Variants in OXCT1 observed in about 807,000 individuals in gnomAD.
OXCT1 encodes the protein 3-oxoacid CoA-transferase 1.
Under a neutral mutation model 69.6 loss-of-function variants are expected in OXCT1, and 27 were observed. The ratio of observed to expected loss-of-function variants is 0.39; its 90% CI spans 0.29 to 0.54. The LOEUF (loss-of-function observed/expected upper bound fraction) is 0.54. Ranked by LOEUF, OXCT1 falls within the 20% of genes least tolerant of loss-of-function variation. OXCT1 has a pLI of 0.72. For missense variants in OXCT1, 437 were observed against 650.2 expected (o/e 0.67, Z 3.57); for synonymous variants, 202 against 217.8 (o/e 0.93, Z 0.64).
intron 13 of OXCT1, among the ~76,000 whole-genome samples, chr5:41,789,693 T>G (rs529093035): frequency 6.6e-6 from 1 of 152,360 alleles, no homozygotes; most frequent in South Asian, 2.1e-4. Flanking sequence ...CATATGGATT[T>G]TCCACCTGTT....
intron 13 of OXCT1, among the ~76,000 whole-genome samples, chr5:41,784,319 G>T (rs140219430): frequency 1.3e-5 from 2 of 152,130 alleles, no homozygotes; most frequent in East Asian, 1.9e-4. Context: ...GGGCAGTGGA[G>T]ACTTTAGAAT....
chr5:41,860,061 T>A (rs1473779233), intron 3 of OXCT1, among the ~76,000 whole-genome samples: 1 of 151,758 alleles, frequency 6.6e-6, no homozygotes, highest in Non-Finnish European at 1.5e-5. Context: ...AAACTGAAAG[T>A]GCTGATAATC....
chr5:41,822,993 T>C (rs1427657131), intron 7 of OXCT1, among the ~76,000 whole-genome samples: 2 of 152,216 alleles, frequency 1.3e-5, no homozygotes, highest in Non-Finnish European at 2.9e-5. Flanking sequence ...CCTTGTTCTT[T>C]ATTCTTTTTG....
chr5:41,795,535 A>T (rs1034934765), intron 11 of OXCT1, among the ~76,000 whole-genome samples: 3 of 152,220 alleles, frequency 2.0e-5, no homozygotes, highest in African/African-American at 7.2e-5. Flanking sequence ...TGGAATCAAC[A>T]TGAACATAAG....
intron 9 of OXCT1, among the ~76,000 whole-genome samples, chr5:41,805,137 A>G (rs2112271296): frequency 6.6e-6 from 1 of 152,196 alleles, no homozygotes; most frequent in Non-Finnish European, 1.5e-5. Context: ...ATCTTTGTCA[A>G]GAGAATAAAA....
chr5:41,743,462 G>C (rs1157089412), intron 15 of OXCT1, among the ~76,000 whole-genome samples: 1 of 152,112 alleles, frequency 6.6e-6, no homozygotes, highest in African/African-American at 2.4e-5. Context: ...TTCTTTTGCT[G>C]TGCAGAAACT....
intron 13 of OXCT1, among the ~76,000 whole-genome samples, chr5:41,774,069 ACT>A (rs1278728717): frequency 2.0e-5 from 3 of 152,120 alleles, no homozygotes; most frequent in Non-Finnish European, 4.4e-5. Flanking sequence ...TTCATCTGGA[ACT>A]CAAGTGTGGC....
intron 13 of OXCT1, among the ~76,000 whole-genome samples, chr5:41,792,963 A>G (rs750374999): frequency 1.8e-4 from 28 of 152,238 alleles, no homozygotes; most frequent in Non-Finnish European, 3.8e-4. Context: ...ACTCTGAGGT[A>G]TTCTAATACA....
chr5:41,851,700 C>T (rs569182807), intron 4 of OXCT1, among the ~76,000 whole-genome samples: 2 of 151,286 alleles, frequency 1.3e-5, no homozygotes, highest in Admixed American at 6.6e-5. Flanking sequence ...CCTCTCTTAG[C>T]CTGAGGAAAA....
chr5:41,749,931 C>T (rs1743683289), intron 14 of OXCT1, among the ~76,000 whole-genome samples: 2 of 151,980 alleles, frequency 1.3e-5, no homozygotes, highest in South Asian at 4.2e-4. Context: ...TTTTCCCTTC[C>T]AAGGAATGGT....
chr5:41,863,529 C>A (rs549179904), intron 1 of OXCT1, among the ~76,000 whole-genome samples: 10 of 152,230 alleles, frequency 6.6e-5, no homozygotes, highest in Non-Finnish European at 8.8e-5. Context: ...AAAAGCCTGG[C>A]GCTTTAAGTG....
chr5:41,823,572 GT>G (rs1321861688), intron 7 of OXCT1, among the ~76,000 whole-genome samples: 2 of 152,168 alleles, frequency 1.3e-5, no homozygotes, highest in African/African-American at 4.8e-5. Flanking sequence ...GGTGGCAGTG[GT>G]TTGCCCTGTG....
intron 7 of OXCT1, among the ~76,000 whole-genome samples, chr5:41,820,126 A>G (rs1747474941): frequency 6.6e-6 from 1 of 152,214 alleles, no homozygotes; most frequent in Non-Finnish European, 1.5e-5. Context: ...CATTCCCATT[A>G]AAATAAGACA....
chr5:41,818,381 T>C (rs1213058736), intron 7 of OXCT1, among the ~76,000 whole-genome samples: 1 of 152,154 alleles, frequency 6.6e-6, no homozygotes, highest in African/African-American at 2.4e-5. Context: ...TCAAAGGACC[T>C]AGGGTACACA....
chr5:41,799,969 G>A lies in OXCT1; in HGVS notation c.1099+1053C>T, dbSNP rs555091410. ...GAATAATAAAGAATAATAGTTTTGC[G>A]GGGGCAGAATGAATAAAAGGATACA... On this transcript the variant is annotated intron_variant, in intron 11 of 16. Coordinates refer to ENST00000196371, the MANE Select transcript of OXCT1 (RefSeq NM_000436.4). Among the ~76,000 whole-genome samples the A allele has an allele frequency of 5.1e-4, 77 of 152,180 alleles. 1 individual carries two copies. The highest frequency in any genetic ancestry group is 1.7e-3 in the Admixed American group (26 of 15,278).
Position 41,760,330 on chromosome 5 carries a change from C to T in OXCT1, c.1338+1781G>A, listed in dbSNP as rs902964360. ...TGGTTTGTTGAAATGAAACTATCTA[C>T]GGAAAAATACCTCATTCCAATTCTG... On this transcript the variant is annotated intron_variant, in intron 14 of 16. Transcript: ENST00000196371. Among the ~76,000 whole-genome samples the T allele has an allele frequency of 9.2e-5, 14 of 152,130 alleles. 2 individuals carry two copies. In the South Asian group the frequency reaches 1.7e-3, roughly 18 times the overall value.
rs61028372 is a variant in OXCT1, at chr5:41,768,663, A to G, written c.1249-6463T>C. 6.3e-3 allele frequency among the ~76,000 whole-genome samples: 965 copies of G among 152,176 alleles called. 14 individuals are homozygous for G. Among genetic ancestry groups the G allele is most frequent in the African/African-American group, 0.023 (937 of 41,506 alleles). On this transcript the variant is annotated intron_variant, in intron 13 of 16. Coordinates refer to ENST00000196371, the MANE Select transcript of OXCT1 (RefSeq NM_000436.4). The stretch of plus-strand genomic sequence containing the variant: ...ACTCCACTTCTCCCAACATTTCTTG[A>G]GCTTGACCTTTTCTCATCCTAGCTA...
At chr5:41,745,013 C>T (rs991689198) in intron 15 of OXCT1, among the ~76,000 whole-genome samples, 4 of 152,010 alleles carry the variant, frequency 2.6e-5, no homozygotes, top group Non-Finnish European at 5.9e-5. Flanking sequence ...GGTAACAACG[C>T]TATCCAGGAA....
chr5:41,741,883 T>C (rs1005506899), intron 15 of OXCT1, among the ~76,000 whole-genome samples: 1 of 152,254 alleles, frequency 6.6e-6, no homozygotes, highest in African/African-American at 2.4e-5. Context: ...TGTATACTCA[T>C]TAGCTTGCTT....
Sources: allele counts gnomAD v4.1 joint callset (sites outside exome capture counted in the v4.1 genomes callset), GRCh38; gene constraint gnomAD v4.1.1; transcripts MANE v1.5; gene names NCBI Gene and HGNC (gene_info 2026-07-23, HGNC 2026-07-21).